KCNN4: variants seen among roughly 807,000 people sequenced by gnomAD.
KCNN4 encodes the protein potassium calcium-activated channel subfamily N member 4, also known as intermediate conductance calcium-activated potassium channel protein 4.
KCNN4 carries 31 observed loss-of-function variants against 45.2 expected under a neutral mutation model. The observed-to-expected ratio is 0.69, with a 90% CI of 0.52 to 0.92. The LOEUF (loss-of-function observed/expected upper bound fraction) is 0.92. Ranked by LOEUF, KCNN4 falls within the 40% of genes least tolerant of loss-of-function variation. The pLI is 0.00. For synonymous variants in KCNN4, 231 were observed against 254.6 expected (o/e 0.91, Z 0.88); for missense variants, 463 against 574.0 (o/e 0.81, Z 1.98).
At position 43,776,169 on chromosome 19, in the gene KCNN4, C is replaced by T. The variant is rs528703358; in HGVS notation, c.255+372G>A. 5.7e-4 allele frequency among the ~76,000 whole-genome samples: 84 copies of T among 147,836 alleles called. 1 individual carries two copies. The highest frequency in any genetic ancestry group is 2.0e-3 in the African/African-American group (79 of 40,076). ...AAAAAAAAAAAAAGGAGTGGGCAGC[C>T]CTAGGACCTTAGGTTGCTTGAGGAC... On this transcript the variant is annotated intron_variant, in intron 2 of 8. Transcript: ENST00000648319.
At chr19:43,779,449 C>T (rs1279863149) in intron 1 of KCNN4, among the ~76,000 whole-genome samples, 1 of 152,130 alleles carries the variant, frequency 6.6e-6, no homozygotes, top group East Asian at 1.9e-4. Flanking sequence ...ACCACCCCCT[C>T]CAGATCCAAG....
Position 43,769,343 on chromosome 19 carries a change from T to G in KCNN4, c.1049+99A>C. 1 of 957,212 alleles carries G rather than the reference T, an allele frequency of 1.0e-6. No homozygotes were observed. Among genetic ancestry groups the G allele is most frequent in the South Asian group, 1.4e-5 (1 of 72,342 alleles). 59.3% of individuals were successfully genotyped at this position (957,212 alleles called of 1,614,324 possible). A position where few individuals can be genotyped will look rare whatever the true frequency, so the allele number is the denominator to read the frequency against. On this transcript the variant is annotated intron_variant, in intron 6 of 8. Transcript: ENST00000648319. This position sits in a 1 kb window ranked among gnomAD's most constrained non-coding sequence, Gnocchi z 4.4. Reference sequence around the variant, plus strand: ...TGAGTGAGACCACACCTGGGTGTCCTGACCTGGACAGGCATGGACATGCAC... The same window carrying G: ...TGAGTGAGACCACACCTGGGTGTCCGGACCTGGACAGGCATGGACATGCAC...
In KCNN4 at chr19:43,767,291, G is replaced by A. The variant is rs1599670450; in HGVS notation, c.*4-202C>T. ...CCAGACAATGTGCCCAGGACAGGCA[G>A]AGAGAGAGAGAGAGACCAAGCAAAG... is the stretch of plus-strand genomic sequence containing the variant. On this transcript the variant is annotated intron_variant, in intron 8 of 8. Transcript: ENST00000648319. 7.5e-5 allele frequency: 15 copies of A among 199,014 alleles called. No individual in the cohort carries two copies. In the East Asian group the frequency reaches 1.6e-3, roughly 21 times the overall value. The allele number at this position is 199,014 out of a possible 1,614,324, so 12.3% of individuals were successfully genotyped here. A position where few individuals can be genotyped will look rare whatever the true frequency, so the allele number is the denominator to read the frequency against.
Position 43,780,870 on chromosome 19 carries a change from G to A in KCNN4, c.-9C>T, listed in dbSNP as rs767400584. On this transcript the variant is annotated 5_prime_UTR_variant, in exon 1 of 9. Transcript: ENST00000648319. ...ACCAGATCCCCGCCCATGGCCCCCGGGGTCTTGGGGCTCAGCCAGCTTCCT... is the reference window on the plus strand; with the variant it reads ...ACCAGATCCCCGCCCATGGCCCCCGAGGTCTTGGGGCTCAGCCAGCTTCCT... 6.2e-7 allele frequency: 1 copy of A among 1,613,396 alleles called. No individual in the cohort carries two copies. The highest frequency in any genetic ancestry group is 8.5e-7 in the Non-Finnish European group (1 of 1,179,724).
Position 43,769,699 on chromosome 19 carries a change from G to A in KCNN4, c.930+20C>T, listed in dbSNP as rs1370086515. 1.3e-6 allele frequency: 2 copies of A among 1,593,176 alleles called. No homozygotes were observed. The highest frequency in any genetic ancestry group is 1.7e-6 in the Non-Finnish European group (2 of 1,161,584). On this transcript the variant is annotated intron_variant, in intron 5 of 8. Transcript: ENST00000648319. This position sits in a 1 kb window ranked among gnomAD's most constrained non-coding sequence, Gnocchi z 4.4. ...TTCTTGGAAGAGGGGTGTCCCATGG[G>A]TGCCATATGCCCATCTCACCTCTTT...
chr19:43,770,012 C>T (rs528186857), intron 4 of KCNN4, among the ~76,000 whole-genome samples, 183 bp from the exon 5 acceptor site: 1 of 152,210 alleles, frequency 6.6e-6, no homozygotes, highest in South Asian at 2.1e-4. Flanking sequence ...CGCATACGTC[C>T]GAGCCCAAAT....
chr19:43,767,821 A>G, intron 7 of KCNN4, 114 bp from the exon 8 acceptor site: 1 of 1,274,436 alleles, frequency 7.8e-7, no homozygotes, highest in Non-Finnish European at 1.1e-6. Flanking sequence ...TCTGAGGATT[A>G]CCCTCGACAA....
chr19:43,768,909 C>T, intron 7 of KCNN4, 54 bp downstream of exon 7: 3 of 1,584,920 alleles, frequency 1.9e-6, no homozygotes, highest in African/African-American at 1.3e-5. Flanking sequence ...ATTTCCCTCC[C>T]TGTGGCCCCA....
intron 2 of KCNN4, 64 bp downstream of exon 2, chr19:43,776,477 T>C (rs1969807923): frequency 9.0e-7 from 1 of 1,112,742 alleles, no homozygotes; most frequent in East Asian, 2.4e-5. Flanking sequence ...GGGTGGAAAG[T>C]GTGAGCTGAC....
At chr19:43,776,825 C>A in intron 1 of KCNN4, 189 bp from the exon 2 acceptor site, 2 of 584,894 alleles carry the variant, frequency 3.4e-6, no homozygotes, top group African/African-American at 1.9e-5. Context: ...GGGCCCAGTG[C>A]GGTGGCTCAC....
intron 1 of KCNN4, among the ~76,000 whole-genome samples, chr19:43,779,930 G>T (rs1278096566): frequency 3.3e-5 from 5 of 152,144 alleles, no homozygotes; most frequent in Admixed American, 6.5e-5. Context: ...CTGGGTTGGG[G>T]TTGGTGGGGG....
chr19:43,777,038 C>A (rs568214223), intron 1 of KCNN4, among the ~76,000 whole-genome samples: 19 of 152,172 alleles, frequency 1.2e-4, no homozygotes, highest in Middle Eastern at 6.8e-3. Context: ...GCTGAGAGAT[C>A]GCGCCACTGC....
In KCNN4 at chr19:43,772,593, CA is replaced by C. The variant is rs1599675605; in HGVS notation, c.684-459del. Among the ~76,000 whole-genome samples the C allele has an allele frequency of 6.6e-6, 1 of 152,144 alleles. No individual in the cohort carries two copies. The highest frequency in any genetic ancestry group is 1.5e-5 in the Non-Finnish European group (1 of 68,026). On this transcript the variant is annotated intron_variant, in intron 3 of 8. Coordinates refer to ENST00000648319, the MANE Select transcript of KCNN4 (RefSeq NM_002250.3). This position sits in a 1 kb window ranked among gnomAD's most constrained non-coding sequence, Gnocchi z 4.4. ...GGTCCAGAAGTGGCCCTATCAGGAC[CA>C]AAAAGGACTCTAAAAAGGCTTGGTG...
chr19:43,770,833 A>C (rs1250871985), intron 4 of KCNN4, among the ~76,000 whole-genome samples: 1 of 152,190 alleles, frequency 6.6e-6, no homozygotes, highest in African/African-American at 2.4e-5. Context: ...TCAAGTGCAC[A>C]TCACCCTATC....
chr19:43,776,350 A>G (rs1253854254), intron 2 of KCNN4, among the ~76,000 whole-genome samples, 191 bp downstream of exon 2: 7 of 150,344 alleles, frequency 4.7e-5, no homozygotes, highest in Non-Finnish European at 4.4e-5. Context: ...GGGAAGGCGG[A>G]GCTGGTGGGG....
chr19:43,772,903 C>T lies in KCNN4; in HGVS notation c.684-768G>A, dbSNP rs1240875386. Among the ~76,000 whole-genome samples, 4 of 152,200 alleles carry T rather than the reference C, an allele frequency of 2.6e-5. No homozygotes were observed. Among genetic ancestry groups the T allele is most frequent in the Non-Finnish European group, 5.9e-5 (4 of 68,042 alleles). ...TTGGAATGTGGAACTTTGACTTCCT[C>T]CCCATTCTCCCATCATTCAATTGAG... On this transcript the variant is annotated intron_variant, in intron 3 of 8. Coordinates refer to ENST00000648319, the MANE Select transcript of KCNN4 (RefSeq NM_002250.3). The surrounding 1 kb of genome is among the most constrained non-coding windows in gnomAD (Gnocchi z 4.4).
At chr19:43,771,909 C>T (rs994662756) in intron 4 of KCNN4, 91 bp downstream of exon 4, 34 of 1,430,686 alleles carry the variant, frequency 2.4e-5, no homozygotes, top group African/African-American at 2.9e-5. Context: ...TCCCTGAGAG[C>T]CTGTGTTGAA....
rs201019335 is a variant in KCNN4, at chr19:43,780,821, C to G, written c.41G>C (p.Arg14Pro). ...CTCCTGCTCCAGCAAGCGCTTTCGG[C>G]GTCTCAAGGCCCCCAGGCCAAGCAC... ...DLVLGLGALR[R>P]RKRLLEQEKS... The change falls in exon 1 of 9, where the codon CGC (arginine) becomes CCC (proline). Residue 14 changes from arginine (R) to proline (P), a missense_variant. By Grantham distance (103) the Arg-to-Pro change is moderately radical. Coordinates refer to ENST00000648319, the MANE Select transcript of KCNN4 (RefSeq NM_002250.3). 1.2e-6 allele frequency: 2 copies of G among 1,613,882 alleles called. No individual in the cohort carries two copies. The highest frequency in any genetic ancestry group is 1.3e-5 in the African/African-American group (1 of 74,872).
At chr19:43,768,052 A>G (rs1969531870) in intron 7 of KCNN4, among the ~76,000 whole-genome samples, 1 of 152,234 alleles carries the variant, frequency 6.6e-6, no homozygotes, top group African/African-American at 2.4e-5. Flanking sequence ...TCTAGCATGG[A>G]TGATGCCTGA....
Sources: allele counts gnomAD v4.1 joint callset (sites outside exome capture counted in the v4.1 genomes callset), GRCh38; gene constraint gnomAD v4.1.1; non-coding constraint Gnocchi (gnomAD v3.1); transcripts MANE v1.5; gene names NCBI Gene and HGNC (gene_info 2026-07-23, HGNC 2026-07-21).